Variants in TRAPPC9 observed in about 807,000 individuals in gnomAD.
TRAPPC9 encodes the protein IKK2 binding protein.
Under a neutral mutation model 124.0 loss-of-function variants are expected in TRAPPC9, and 83 were observed. The observed-to-expected ratio is 0.67, with a 90% confidence interval of 0.56 to 0.80. The LOEUF (loss-of-function observed/expected upper bound fraction) is 0.80, where lower values mean the gene tolerates loss of function less well. Ranked by LOEUF, TRAPPC9 falls within the 30% of genes least tolerant of loss-of-function variation. The probability of loss-of-function intolerance (pLI) is 0.00; values close to 1 mark genes in which losing one functional copy is unlikely to be tolerated. For synonymous variants in TRAPPC9, 638 were observed against 617.5 expected (o/e 1.03, Z -0.49); for missense variants, 1,302 against 1,508.3 (o/e 0.86, Z 2.27).
intron 14 of TRAPPC9, among the ~76,000 whole-genome samples, chr8:140,282,289 G>T (rs2065346505): frequency 6.6e-6 from 1 of 152,042 alleles, no homozygotes; most frequent in Non-Finnish European, 1.5e-5. Context: ...GATCACTTGA[G>T]GTCAGGAGTT....
At chr8:140,109,598 T>C (rs1165232302) in intron 17 of TRAPPC9, among the ~76,000 whole-genome samples, 1 of 152,114 alleles carries the variant, frequency 6.6e-6, no homozygotes. Flanking sequence ...GAAAAAAATA[T>C]ATATGAGTGT....
rs1423922737 is a variant in TRAPPC9, at chr8:140,319,485, G to GT, written c.1496-8112dup. On this transcript the variant is annotated intron_variant, in intron 9 of 22. Transcript: ENST00000438773. Reference sequence around the variant, plus strand: ...AGCCACCGTGCCCGGCCAACTTTTTGTTTTTTTTGAGACAGGGTCTTGCTC... The same window carrying GT: ...AGCCACCGTGCCCGGCCAACTTTTTGTTTTTTTTTGAGACAGGGTCTTGCTC... 5.3e-5 allele frequency among the ~76,000 whole-genome samples: 7 copies of GT among 131,950 alleles called. No homozygotes were observed. In the South Asian group the frequency reaches 7.4e-4, roughly 14 times the overall value. 86.6% of individuals were successfully genotyped at this position (131,950 alleles called of 152,430 possible).
At chr8:140,264,005 G>A (rs4076117) in intron 15 of TRAPPC9, among the ~76,000 whole-genome samples, 32,086 of 152,114 alleles carry the variant, frequency 0.21, 3,765 homozygotes, top group Middle Eastern at 0.4. Context: ...TCCACTCTAT[G>A]ACAATACCAA....
intron 17 of TRAPPC9, among the ~76,000 whole-genome samples, chr8:140,108,116 G>A (rs2060700914): frequency 6.6e-6 from 1 of 151,988 alleles, no homozygotes; most frequent in South Asian, 2.1e-4. Context: ...AATGGAGAAG[G>A]GGTGGGGGCG....
chr8:139,821,822 G>A (rs1276169762), intron 21 of TRAPPC9, among the ~76,000 whole-genome samples: 2 of 152,166 alleles, frequency 1.3e-5, no homozygotes, highest in African/African-American at 4.8e-5. Context: ...CAACAGATTC[G>A]TGTGCCATAA....
At chr8:139,832,427 G>A (rs564929294) in intron 21 of TRAPPC9, among the ~76,000 whole-genome samples, 2 of 152,202 alleles carry the variant, frequency 1.3e-5, no homozygotes, top group African/African-American at 2.4e-5. Flanking sequence ...AAGCCCAGCC[G>A]CTGGTTGGTC....
At chr8:139,865,423 A>G (rs75228466) in intron 21 of TRAPPC9, among the ~76,000 whole-genome samples, 19,061 of 152,068 alleles carry the variant, frequency 0.13, 1,261 homozygotes, top group East Asian at 0.24. Flanking sequence ...CTTTGTACCC[A>G]CTCTGTGTTG....
chr8:140,393,345 C>T (rs1270247758), intron 7 of TRAPPC9, among the ~76,000 whole-genome samples: 1 of 152,168 alleles, frequency 6.6e-6, no homozygotes, highest in Non-Finnish European at 1.5e-5. Context: ...GGGCCAAAGT[C>T]CATGCTTCTT....
At chr8:140,267,745 C>A (rs929150798) in intron 15 of TRAPPC9, among the ~76,000 whole-genome samples, 3 of 152,186 alleles carry the variant, frequency 2.0e-5, no homozygotes, top group Non-Finnish European at 2.9e-5. Context: ...CAGCTCACAG[C>A]AACCTCTGCC....
chr8:139,785,100 A>T (rs1822131893), intron 21 of TRAPPC9, among the ~76,000 whole-genome samples: 1 of 152,238 alleles, frequency 6.6e-6, no homozygotes, highest in Non-Finnish European at 1.5e-5. Flanking sequence ...AAAACAGAAT[A>T]AATAGTCCAG....
intron 20 of TRAPPC9, among the ~76,000 whole-genome samples, chr8:139,909,025 G>C (rs1831538233): frequency 6.6e-6 from 1 of 152,190 alleles, no homozygotes; most frequent in Non-Finnish European, 1.5e-5. Flanking sequence ...GAGACAGTGA[G>C]TCTGCCAGGC....
At chr8:140,125,483 G>A (rs575929702) in intron 17 of TRAPPC9, among the ~76,000 whole-genome samples, 1 of 152,216 alleles carries the variant, frequency 6.6e-6, no homozygotes, top group South Asian at 2.1e-4. Flanking sequence ...CAGAAAGCAT[G>A]GCAGTGTCTG....
chr8:139,765,414 A>G (rs113675790), intron 21 of TRAPPC9, among the ~76,000 whole-genome samples: 1,766 of 152,320 alleles, frequency 0.012, 40 homozygotes, highest in African/African-American at 0.04. Context: ...AAATAGTCCA[A>G]AGCTTTCATC....
intron 17 of TRAPPC9, among the ~76,000 whole-genome samples, chr8:140,090,623 C>T (rs539674502): frequency 6.6e-6 from 1 of 152,372 alleles, no homozygotes; most frequent in South Asian, 2.1e-4. Context: ...AGGTCCGGGC[C>T]AGGCCCTTAG....
intron 15 of TRAPPC9, among the ~76,000 whole-genome samples, chr8:140,269,496 G>C (rs982446131): frequency 6.6e-6 from 1 of 151,512 alleles, no homozygotes; most frequent in Non-Finnish European, 1.5e-5. Flanking sequence ...AGCCAAGATC[G>C]CACCACTGCA....
At chr8:139,886,243 A>G (rs914184813) in intron 20 of TRAPPC9, among the ~76,000 whole-genome samples, 5 of 152,208 alleles carry the variant, frequency 3.3e-5, no homozygotes, top group Non-Finnish European at 7.3e-5. Context: ...GATAATTTTA[A>G]TCCAACAACT....
chr8:140,361,197 C>T (rs1269872135), intron 8 of TRAPPC9, among the ~76,000 whole-genome samples: 3 of 152,258 alleles, frequency 2.0e-5, no homozygotes, highest in Non-Finnish European at 4.4e-5. Flanking sequence ...TCCGTAATAG[C>T]TCACGACAGT....
chr8:139,775,166 C>T (rs1334547387), intron 21 of TRAPPC9, among the ~76,000 whole-genome samples: 4 of 152,210 alleles, frequency 2.6e-5, no homozygotes, highest in African/African-American at 9.6e-5. Flanking sequence ...CACAGACTCA[C>T]ATCCACCCAG....
chr8:140,326,989 T>G (rs1009317428), intron 9 of TRAPPC9, among the ~76,000 whole-genome samples: 1 of 152,148 alleles, frequency 6.6e-6, no homozygotes, highest in African/African-American at 2.4e-5. Flanking sequence ...CGGTGGCTCA[T>G]GCCTGTAATC....
Sources: allele counts gnomAD v4.1 joint callset (sites outside exome capture counted in the v4.1 genomes callset), GRCh38; gene constraint gnomAD v4.1.1; transcripts MANE v1.5; gene names NCBI Gene and HGNC (gene_info 2026-07-23, HGNC 2026-07-21).